Variants in HECTD2 observed in about 807,000 individuals in gnomAD.
HECTD2 encodes HECT domain E3 ubiquitin protein ligase 2, also known as probable E3 ubiquitin-protein ligase HECTD2.
In HECTD2, 35 loss-of-function variants were observed where a neutral mutation model predicts 103.2. The observed-to-expected ratio is 0.34, with a 90% CI of 0.26 to 0.45. The LOEUF is 0.45. Among genes scored for constraint, HECTD2 ranks in the 20% least tolerant of loss-of-function variants. The pLI, the probability that HECTD2 is intolerant of heterozygous loss-of-function variation, is 1.00. For missense variants in HECTD2, 596 were observed against 937.4 expected (o/e 0.64, Z 4.76); for synonymous variants, 281 against 329.9 (o/e 0.85, Z 1.61).
intron 8 of HECTD2, 52 bp from the exon 9 acceptor site, chr10:91,484,455 T>G: frequency 6.4e-7 from 1 of 1,566,614 alleles, no homozygotes; most frequent in Admixed American, 1.8e-5. Context: ...CAGATAATTT[T>G]GGAAATAGAA....
intron 5 of HECTD2, chr10:91,462,564 G>T (rs1255326939): frequency 9.7e-7 from 1 of 1,030,836 alleles, no homozygotes; most frequent in Non-Finnish European, 1.2e-6. Flanking sequence ...TTCAGATTCA[G>T]TAGGTCTTGG....
At chr10:91,505,820 AT>A (rs1564739617) in intron 20 of HECTD2, among the ~76,000 whole-genome samples, 1 of 152,074 alleles carries the variant, frequency 6.6e-6, no homozygotes, top group African/African-American at 2.4e-5. Context: ...CAGAATATAC[AT>A]TTTTTTCAGC....
intron 15 of HECTD2, among the ~76,000 whole-genome samples, chr10:91,497,184 C>T (rs1016627870): frequency 7.0e-6 from 1 of 143,540 alleles, no homozygotes; most frequent in Non-Finnish European, 1.5e-5. Context: ...CCATGTTGGC[C>T]AGGCTGGTCT....
chr10:91,432,940 A>G (rs559658732), intron 2 of HECTD2, among the ~76,000 whole-genome samples: 5 of 152,110 alleles, frequency 3.3e-5, no homozygotes, highest in East Asian at 1.9e-4. Flanking sequence ...TCACAGGTCA[A>G]GTACTCCAGA....
At chr10:91,422,001 A>G (rs1164934394) in intron 1 of HECTD2, among the ~76,000 whole-genome samples, 3 of 151,994 alleles carry the variant, frequency 2.0e-5, no homozygotes, top group Non-Finnish European at 4.4e-5. Flanking sequence ...TTCAAATTTC[A>G]TTTCTTCCAG....
chr10:91,453,667 A>G (rs982994763), intron 2 of HECTD2, among the ~76,000 whole-genome samples: 1 of 152,172 alleles, frequency 6.6e-6, no homozygotes, highest in African/African-American at 2.4e-5. Flanking sequence ...GAGCACATAG[A>G]AAATAAAATC....
intron 6 of HECTD2, among the ~76,000 whole-genome samples, chr10:91,478,870 AAAGT>A (rs1377241229): frequency 6.6e-6 from 1 of 152,012 alleles, no homozygotes; most frequent in Admixed American, 6.5e-5. Context: ...GTCTAGTTTA[AAAGT>A]AATACCTAAG....
intron 2 of HECTD2, among the ~76,000 whole-genome samples, chr10:91,437,228 AG>A (rs1280324263): frequency 6.6e-5 from 10 of 151,992 alleles, no homozygotes; most frequent in Non-Finnish European, 1.5e-4. Flanking sequence ...GCATTAGCTG[AG>A]GGGGCTTGAA....
At chr10:91,465,508 A>G (rs1845499234) in intron 5 of HECTD2, among the ~76,000 whole-genome samples, 1 of 151,776 alleles carries the variant, frequency 6.6e-6, no homozygotes, top group Non-Finnish European at 1.5e-5. Context: ...AAAGTACCAA[A>G]TGAACCTGGA....
At chr10:91,456,690 T>C (rs966724365) in intron 2 of HECTD2, among the ~76,000 whole-genome samples, 6 of 152,130 alleles carry the variant, frequency 3.9e-5, no homozygotes, top group African/African-American at 1.4e-4. Flanking sequence ...TTTTGCCCAT[T>C]CAGTATGATA....
At chr10:91,410,597 G>T (rs1329658664) in intron 1 of HECTD2, 21 bp downstream of exon 1, 1 of 1,207,610 alleles carries the variant, frequency 8.3e-7, no homozygotes, top group East Asian at 3.6e-5. Context: ...GGCCGGGGCC[G>T]TCTGGCGCCC....
intron 1 of HECTD2, among the ~76,000 whole-genome samples, chr10:91,411,070 G>C (rs1842900643): frequency 1.3e-5 from 2 of 152,054 alleles, no homozygotes; most frequent in Non-Finnish European, 2.9e-5. Flanking sequence ...TGACCTTTCC[G>C]TTGCTGTCAG....
At chr10:91,456,306 G>A (rs1845089286) in intron 2 of HECTD2, among the ~76,000 whole-genome samples, 1 of 152,076 alleles carries the variant, frequency 6.6e-6, no homozygotes, top group Non-Finnish European at 1.5e-5. Context: ...TTGTAAGTTG[G>A]ATTCCTAGGT....
intron 5 of HECTD2, among the ~76,000 whole-genome samples, chr10:91,464,010 A>G (rs950199757): frequency 2.0e-5 from 3 of 152,110 alleles, no homozygotes; most frequent in African/African-American, 7.2e-5. Context: ...TTTGCAAACT[A>G]AGAAACAGAA....
At chr10:91,416,232 A>C (rs1290072912) in intron 1 of HECTD2, among the ~76,000 whole-genome samples, 1 of 152,234 alleles carries the variant, frequency 6.6e-6, no homozygotes, top group Non-Finnish European at 1.5e-5. Flanking sequence ...TCCATCTATA[A>C]AATGGCAAAA....
At chr10:91,466,100 C>T (rs577869345) in intron 5 of HECTD2, among the ~76,000 whole-genome samples, 16 of 152,204 alleles carry the variant, frequency 1.1e-4, no homozygotes, top group Admixed American at 4.6e-4. Flanking sequence ...GTTATTGATT[C>T]GGTTCCTTTA....
intron 20 of HECTD2, among the ~76,000 whole-genome samples, chr10:91,510,253 A>G (rs1564742296): frequency 6.6e-6 from 1 of 152,226 alleles, no homozygotes; most frequent in African/African-American, 2.4e-5. Context: ...ATTCTTTAGT[A>G]CAGAGTGTAA....
chr10:91,461,023 C>T (rs1440264514), intron 3 of HECTD2, among the ~76,000 whole-genome samples: 1 of 151,972 alleles, frequency 6.6e-6, no homozygotes, highest in East Asian at 1.9e-4. Flanking sequence ...GATAATTGAG[C>T]GACATGTTAA....
intron 6 of HECTD2, among the ~76,000 whole-genome samples, chr10:91,479,917 ATTT>A (rs985176852): frequency 1.2e-4 from 19 of 152,134 alleles, no homozygotes; most frequent in African/African-American, 3.9e-4. Flanking sequence ...ATTTGTTGCT[ATTT>A]TTATTTATCC....
Sources: allele counts gnomAD v4.1 joint callset (sites outside exome capture counted in the v4.1 genomes callset), GRCh38; gene constraint gnomAD v4.1.1; transcripts MANE v1.5; gene names NCBI Gene and HGNC (gene_info 2026-07-23, HGNC 2026-07-21).